BARX2: variants seen among roughly 807,000 people sequenced by gnomAD.
BARX2 encodes the protein BARX homeobox 2.
Under a neutral mutation model 25.5 loss-of-function variants are expected in BARX2, and 11 were observed. The observed-to-expected ratio is 0.43, with a 90% CI of 0.27 to 0.71. The LOEUF is 0.71. Ranked by LOEUF, BARX2 falls within the 30% of genes least tolerant of loss-of-function variation. BARX2 has a pLI of 0.19. For missense variants in BARX2, 360 were observed against 359.9 expected (o/e 1.00, Z 0.00); for synonymous variants, 137 against 149.5 (o/e 0.92, Z 0.61).
At chr11:129,378,079 A>G (rs1005094233) in intron 1 of BARX2, among the ~76,000 whole-genome samples, 1 of 152,232 alleles carries the variant, frequency 6.6e-6, no homozygotes, top group Non-Finnish European at 1.5e-5. Flanking sequence ...TATTTCACAG[A>G]CTTAAGTGTT....
chr11:129,381,375 GTTTGTTTTGT>G (rs374127750), intron 1 of BARX2, among the ~76,000 whole-genome samples: 1 of 151,944 alleles, frequency 6.6e-6, no homozygotes, highest in Non-Finnish European at 1.5e-5. Context: ...GCCCTTCTTT[GTTTGTTTTGT>G]TTTGTTTTGT....
intron 1 of BARX2, among the ~76,000 whole-genome samples, chr11:129,403,268 A>C (rs1861795881): frequency 6.6e-6 from 1 of 152,238 alleles, no homozygotes. Flanking sequence ...GAAGAAATTG[A>C]AGTGGATATA....
intron 1 of BARX2, among the ~76,000 whole-genome samples, chr11:129,432,368 G>A (rs560624304): frequency 6.6e-6 from 1 of 152,244 alleles, no homozygotes; most frequent in Middle Eastern, 3.4e-3. Context: ...AGCCTCATTT[G>A]TTGAAAAGAC....
At chr11:129,408,995 G>A (rs533900069) in intron 1 of BARX2, among the ~76,000 whole-genome samples, 1 of 152,282 alleles carries the variant, frequency 6.6e-6, no homozygotes, top group African/African-American at 2.4e-5. Context: ...ACTAATCAAA[G>A]GGGAGTGATA....
intron 2 of BARX2, among the ~76,000 whole-genome samples, chr11:129,441,536 C>T (rs1219440601): frequency 6.6e-6 from 1 of 152,196 alleles, no homozygotes; most frequent in Non-Finnish European, 1.5e-5. Flanking sequence ...GCAACCTCCG[C>T]CTCCCAGGTT....
chr11:129,416,294 G>A (rs1455253496), intron 1 of BARX2, among the ~76,000 whole-genome samples: 2 of 152,204 alleles, frequency 1.3e-5, no homozygotes, highest in Non-Finnish European at 2.9e-5. Context: ...TGAGGAGTGA[G>A]GAGGGTGTGG....
intron 1 of BARX2, among the ~76,000 whole-genome samples, chr11:129,416,841 G>A (rs917726393): frequency 4.0e-5 from 6 of 151,078 alleles, no homozygotes; most frequent in African/African-American, 9.7e-5. Flanking sequence ...GAGGCTTTTG[G>A]AGTATCGTAG....
chr11:129,408,238 G>A (rs1004813618), intron 1 of BARX2, among the ~76,000 whole-genome samples: 13 of 152,086 alleles, frequency 8.5e-5, no homozygotes, highest in African/African-American at 2.7e-4. Flanking sequence ...AGATATATTC[G>A]GTTCTGTTGA....
At chr11:129,427,553 G>T (rs987566904) in intron 1 of BARX2, among the ~76,000 whole-genome samples, 1 of 152,262 alleles carries the variant, frequency 6.6e-6, no homozygotes, top group African/African-American at 2.4e-5. Flanking sequence ...ATGTAAATCA[G>T]TCAAGCAGGC....
At chr11:129,426,170 C>T (rs1435102572) in intron 1 of BARX2, among the ~76,000 whole-genome samples, 1 of 152,038 alleles carries the variant, frequency 6.6e-6, no homozygotes, top group Non-Finnish European at 1.5e-5. Flanking sequence ...CTTGGTGAAT[C>T]ACAGTTAAAA....
At position 129,444,076 on chromosome 11, in the gene BARX2, T is replaced by C. The variant is rs12283838; in HGVS notation, c.573+1157T>C. Among the ~76,000 whole-genome samples, 1,155 of 151,822 alleles carry C rather than the reference T, an allele frequency of 7.6e-3. 10 individuals carry two copies. Among genetic ancestry groups the C allele is most frequent in the Middle Eastern group, 0.02 (6 of 294 alleles). On this transcript the variant is annotated intron_variant, in intron 3 of 3. Transcript: ENST00000281437. Reference sequence around the variant, plus strand: ...TATGATGTTTTTCACAATAATCAAATAACTACGGGGTTCTGCCAACCCCAG... The same window carrying C: ...TATGATGTTTTTCACAATAATCAAACAACTACGGGGTTCTGCCAACCCCAG...
intron 1 of BARX2, among the ~76,000 whole-genome samples, chr11:129,424,413 C>G (rs1396880132): frequency 2.0e-5 from 3 of 152,126 alleles, no homozygotes; most frequent in Non-Finnish European, 4.4e-5. Context: ...TGAGTCTTCC[C>G]CTTCCTGTGT....
In BARX2 at chr11:129,376,215, C is replaced by G. The variant is rs1467636512; in HGVS notation, c.180C>G (p.Ser60=). Residue 60 remains serine (S), a synonymous_variant, in exon 1 of 4, where the codon TCC becomes TCG. Transcript: ENST00000281437. The surrounding 1 kb of genome is among the most constrained non-coding windows in gnomAD (Gnocchi z 4.2). ...SLVVRPKPLH[S]CTGSPSLRAY... ...TCGTGCGACCCAAGCCCCTGCATTC[C>G]TGTACGGGTAAGACGCTCCGCTAGG... is the stretch of plus-strand genomic sequence containing the variant. 1 of 1,603,660 alleles carries G rather than the reference C, an allele frequency of 6.2e-7. No homozygotes were observed. Among genetic ancestry groups the G allele is most frequent in the South Asian group, 1.1e-5 (1 of 89,956 alleles).
intron 1 of BARX2, among the ~76,000 whole-genome samples, chr11:129,413,120 A>T (rs1861906384): frequency 6.6e-6 from 1 of 152,248 alleles, no homozygotes; most frequent in African/African-American, 2.4e-5. Context: ...TTAGTAATTT[A>T]AAAAGTGAAT....
At chr11:129,449,626 G>T (rs1862373095) in intron 3 of BARX2, among the ~76,000 whole-genome samples, 1 of 152,100 alleles carries the variant, frequency 6.6e-6, no homozygotes, top group Non-Finnish European at 1.5e-5. Context: ...TCTTGTGTGG[G>T]TCACAAATTG....
At chr11:129,427,403 A>G (rs1377161781) in intron 1 of BARX2, among the ~76,000 whole-genome samples, 1 of 152,130 alleles carries the variant, frequency 6.6e-6, no homozygotes, top group African/African-American at 2.4e-5. Context: ...TTTTTCTAGG[A>G]AACTCAGCTA....
chr11:129,394,935 A>ATTTTTTTTT, intron 1 of BARX2, among the ~76,000 whole-genome samples: 1 of 144,818 alleles, frequency 6.9e-6, no homozygotes, highest in Non-Finnish European at 1.5e-5. Context: ...TCCACTCAGC[A>ATTTTTTTTT]TTTTTTTTTT....
intron 3 of BARX2, among the ~76,000 whole-genome samples, chr11:129,445,080 TTAAA>T (rs1449958593): frequency 1.3e-5 from 2 of 151,558 alleles, no homozygotes; most frequent in African/African-American, 4.8e-5. Flanking sequence ...ATGGATTCGG[TTAAA>T]TAGTCTTCCA....
At position 129,380,697 on chromosome 11, in the gene BARX2, G is replaced by A. The variant is rs572681013; in HGVS notation, c.187+4475G>A. On this transcript the variant is annotated intron_variant, in intron 1 of 3. Coordinates refer to ENST00000281437, the MANE Select transcript of BARX2 (RefSeq NM_003658.5). Reference sequence around the variant, plus strand: ...AGGGTAAATAAATAGAGGGATGCACGGGATCTGGGACTCATCCAGGGTCAG... The same window carrying A: ...AGGGTAAATAAATAGAGGGATGCACAGGATCTGGGACTCATCCAGGGTCAG... 1.9e-4 allele frequency among the ~76,000 whole-genome samples: 29 copies of A among 152,258 alleles called. 2 individuals carry two copies. Among genetic ancestry groups the A allele is most frequent in the Non-Finnish European group, 2.9e-4 (20 of 68,018 alleles).
Sources: gnomAD v4.1 joint callset for allele counts (sites outside exome capture counted in the v4.1 genomes callset) on GRCh38, gnomAD v4.1.1 for gene constraint, Gnocchi (gnomAD v3.1) non-coding constraint, MANE v1.5 for transcripts, NCBI Gene and HGNC (gene_info 2026-07-23, HGNC 2026-07-21) for gene names.